Variants in GLI2 observed in about 807,000 individuals in gnomAD.
GLI2 encodes the protein transcription activator GLI2.
GLI2 carries 22 observed loss-of-function variants against 78.9 expected under a neutral mutation model. That is an observed-to-expected ratio of 0.28 (90% CI 0.20 to 0.40). The LOEUF (loss-of-function observed/expected upper bound fraction) is 0.40. GLI2 is among the 10% of genes least tolerant of loss of function. The pLI is 1.00. For missense variants in GLI2, 2,097 were observed against 2,213.2 expected (o/e 0.95, Z 1.05); for synonymous variants, 974 against 963.7 (o/e 1.01, Z -0.20).
At chr2:120,752,127 T>C (rs980408579) in intron 1 of GLI2, among the ~76,000 whole-genome samples, 3 of 152,178 alleles carry the variant, frequency 2.0e-5, no homozygotes, top group African/African-American at 7.2e-5. Context: ...TTTACACCAG[T>C]GGGATCATAC....
At chr2:120,771,303 A>G (rs547353217) in intron 1 of GLI2, among the ~76,000 whole-genome samples, 45 of 152,236 alleles carry the variant, frequency 3.0e-4, no homozygotes, top group Non-Finnish European at 5.7e-4. Flanking sequence ...TCTGGGCCCA[A>G]GGAATGAGAG....
intron 1 of GLI2, among the ~76,000 whole-genome samples, chr2:120,742,961 T>G (rs1276378718): frequency 1.3e-5 from 2 of 152,184 alleles, no homozygotes; most frequent in Non-Finnish European, 2.9e-5. Flanking sequence ...AAACCTCAGA[T>G]GGGGAGATTA....
rs1338626267 is a variant in GLI2 at position 120,988,430 on chromosome 2, C to T, written c.2465C>T (p.Ser822Leu). Residue 822 changes from serine (S) to leucine (L), a missense_variant, in exon 14 of 14, where the codon TCG becomes TTG. Physicochemically the swap from Ser to Leu is moderately radical, Grantham distance 145 (BLOSUM62 -2). Around this residue, in one of 5 missense-constraint regions of GLI2, gnomAD observed 1,290 missense variants for 1,261.7 expected, o/e 1.02. Transcript: ENST00000361492. ...TCCAGCCGCCGCTCCAGCGAGGCCT[C>T]GCCCCTGGGCGCCGGCCGCCCGCAC... ...YFSSRRSSEA[S>L]PLGAGRPHNA... is the part of the protein sequence containing the mutation. The T allele has an allele frequency of 2.5e-6, 4 of 1,573,562 alleles. No homozygotes were observed. Among genetic ancestry groups the T allele is most frequent in the Non-Finnish European group, 3.4e-6 (4 of 1,169,626 alleles).
chr2:120,745,873 C>T (rs969532463), intron 1 of GLI2, among the ~76,000 whole-genome samples: 3 of 152,222 alleles, frequency 2.0e-5, no homozygotes, highest in Non-Finnish European at 2.9e-5. Flanking sequence ...TGCAGTTCTT[C>T]TGCGCAGGCA....
chr2:120,967,914 A>G (rs1681938430), intron 5 of GLI2, among the ~76,000 whole-genome samples: 1 of 152,192 alleles, frequency 6.6e-6, no homozygotes. Context: ...CTCTGGAGAG[A>G]CAGCCAAAGG....
At position 120,849,677 on chromosome 2, in the gene GLI2, T is replaced by C. The variant is rs180906882; in HGVS notation, c.148+52209T>C. Among the ~76,000 whole-genome samples the C allele has an allele frequency of 5.8e-3, 883 of 152,316 alleles. 2 individuals are homozygous for C. Among genetic ancestry groups the C allele is most frequent in the Middle Eastern group, 0.01 (3 of 294 alleles). Reference sequence around the variant, plus strand: ...TTCTAACCAAGTTTCCAGTCCCTCTTCTTTAAATGTGAGTGGACACCCAGG... The same window carrying C: ...TTCTAACCAAGTTTCCAGTCCCTCTCCTTTAAATGTGAGTGGACACCCAGG... On this transcript the variant is annotated intron_variant, in intron 2 of 13. Transcript: ENST00000361492.
intron 2 of GLI2, among the ~76,000 whole-genome samples, chr2:120,909,262 C>T (rs1488483605): frequency 6.6e-6 from 1 of 151,964 alleles, no homozygotes; most frequent in Non-Finnish European, 1.5e-5. Flanking sequence ...GTGTTCCCTG[C>T]CTGGCTGGGC....
chr2:120,781,417 G>A (rs1192553699), intron 1 of GLI2, among the ~76,000 whole-genome samples: 7 of 152,190 alleles, frequency 4.6e-5, no homozygotes, highest in African/African-American at 7.2e-5. Context: ...TCTGAGGCCC[G>A]GGATGCTCCC....
At chr2:120,972,782 C>T (rs1229872508) in intron 8 of GLI2, 3 of 473,196 alleles carry the variant, frequency 6.3e-6, no homozygotes, top group African/African-American at 3.9e-5. Flanking sequence ...GAGAGAAGAG[C>T]GGAGCAGCCC....
At chr2:120,848,371 C>T (rs1243462064) in intron 2 of GLI2, among the ~76,000 whole-genome samples, 2 of 152,158 alleles carry the variant, frequency 1.3e-5, no homozygotes, top group East Asian at 3.9e-4. Context: ...CACCAGGAGA[C>T]CGGCGAGCAG....
At position 120,988,092 on chromosome 2, in the gene GLI2, T is replaced by A. The variant is rs926363814; in HGVS notation, c.2243-116T>A. ...AGAAAGAAAGCATGCATCTCCTGAG[T>A]GCGCTGTGTTGCAAGCCCTCTTCTC... On this transcript the variant is annotated intron_variant, in intron 13 of 13. Coordinates refer to ENST00000361492, the MANE Select transcript of GLI2 (RefSeq NM_001374353.1). 1.5e-5 allele frequency: 12 copies of A among 795,490 alleles called. No homozygotes were observed. The Admixed American group carries it at 1.7e-4, about 11-fold the overall frequency. 49.3% of individuals were successfully genotyped at this position (795,490 alleles called of 1,614,324 possible).
At chr2:120,914,763 TCTC>T (rs1206076078) in intron 2 of GLI2, among the ~76,000 whole-genome samples, 1 of 152,132 alleles carries the variant, frequency 6.6e-6, no homozygotes, top group Non-Finnish European at 1.5e-5. Context: ...CACTAGCTCT[TCTC>T]CACTTCACAG....
In GLI2 at chr2:120,955,346, C is replaced by T; in HGVS notation, c.559C>T (p.Pro187Ser). The change falls in exon 5 of 14, where the codon CCC (proline) becomes TCC (serine). Residue 187 changes from proline (P) to serine (S), a missense_variant. Physicochemically the swap from Pro to Ser is moderately conservative, Grantham distance 74. Around this residue, in one of 5 missense-constraint regions of GLI2, gnomAD observed 578 missense variants for 612.0 expected, o/e 0.94. Coordinates refer to ENST00000361492, the MANE Select transcript of GLI2 (RefSeq NM_001374353.1). ...YHQMTLVAGH[P>S]APYGDLLMQS... ...CCAGATGACCCTCGTGGCAGGCCACCCCGCGCCCTACGGGGACCTGCTGAT... is the reference window on the plus strand; with the variant it reads ...CCAGATGACCCTCGTGGCAGGCCACTCCGCGCCCTACGGGGACCTGCTGAT... The T allele has an allele frequency of 6.2e-7, 1 of 1,613,334 alleles. No homozygotes were observed. The highest frequency in any genetic ancestry group is 8.5e-7 in the Non-Finnish European group (1 of 1,179,510).
intron 1 of GLI2, among the ~76,000 whole-genome samples, chr2:120,790,200 G>A (rs1298801572): frequency 6.6e-6 from 1 of 152,164 alleles, no homozygotes; most frequent in Non-Finnish European, 1.5e-5. Context: ...GGGGTGGTGG[G>A]CCATGCACCA....
intron 2 of GLI2, among the ~76,000 whole-genome samples, chr2:120,885,886 T>C (rs1677370454): frequency 6.6e-6 from 1 of 152,166 alleles, no homozygotes; most frequent in African/African-American, 2.4e-5. Context: ...TGATCATTAT[T>C]ATCACACAGG....
At chr2:120,743,303 TCTTTGTC>T (rs1682606167) in intron 1 of GLI2, among the ~76,000 whole-genome samples, 1 of 152,184 alleles carries the variant, frequency 6.6e-6, no homozygotes, top group African/African-American at 2.4e-5. Context: ...CCTTCCTGCT[TCTTTGTC>T]CTTTGTCCTT....
Position 120,989,152 on chromosome 2 carries a change from G to A in GLI2, c.3187G>A (p.Glu1063Lys), listed in dbSNP as rs1442433669. 4.3e-6 allele frequency: 7 copies of A among 1,613,104 alleles called. No individual in the cohort carries two copies. The highest frequency in any genetic ancestry group is 2.7e-5 in the African/African-American group (2 of 75,054). The change falls in exon 14 of 14, where the codon GAG (glutamate) becomes AAG (lysine). Residue 1063 changes from glutamate to lysine, a missense_variant. This residue lies in a region of GLI2 where 1,290 missense variants were observed against 1,261.7 expected (regional missense o/e 1.02). Transcript: ENST00000361492. ...IKAHASGALD[E>K]GTGQVYPTES... ...GGCGCACGCCAGTGGCGCTCTGGAC[G>A]AGGGCACCGGGCAGGTGTATCCCAC...
chr2:120,929,248 G>A (rs556331847), intron 3 of GLI2, among the ~76,000 whole-genome samples: 30 of 152,118 alleles, frequency 2.0e-4, no homozygotes, highest in Non-Finnish European at 3.8e-4. Flanking sequence ...TCTCACTGCT[G>A]GAAATGTTGA....
chr2:120,760,531 CAT>C (rs1683182319), intron 1 of GLI2, among the ~76,000 whole-genome samples: 1 of 152,154 alleles, frequency 6.6e-6, no homozygotes, highest in Non-Finnish European at 1.5e-5. Context: ...TATGTAGAGA[CAT>C]ATGTTTAGAT....
Sources: allele counts gnomAD v4.1 joint callset (sites outside exome capture counted in the v4.1 genomes callset), GRCh38; gene constraint gnomAD v4.1.1; regional missense constraint gnomAD v4.1.1; transcripts MANE v1.5; gene names NCBI Gene and HGNC (gene_info 2026-07-23, HGNC 2026-07-21).